Variants in BSN observed in about 807,000 individuals in gnomAD.
The protein encoded by BSN is protein bassoon.
Under a neutral mutation model 264.8 loss-of-function variants are expected in BSN, and 57 were observed. That is an observed-to-expected ratio of 0.22 (90% CI 0.17 to 0.27). BSN has a LOEUF of 0.27. Among genes scored for constraint, BSN ranks in the 10% least tolerant of loss-of-function variants. The probability of loss-of-function intolerance (pLI) is 1.00; values close to 1 mark genes in which losing one functional copy is unlikely to be tolerated. For synonymous variants in BSN, 2,059 were observed against 2,137.3 expected (o/e 0.96, Z 1.01); for missense variants, 4,615 against 5,232.5 (o/e 0.88, Z 3.64).
chr3:49,575,420 A>G (rs138138536), intron 1 of BSN, among the ~76,000 whole-genome samples: 1,600 of 147,136 alleles, frequency 0.011, 25 homozygotes, highest in South Asian at 0.043. Context: ...AAATATATAT[A>G]TGTGTATATA....
chr3:49,652,194 A>G lies in BSN; in HGVS notation c.2638A>G (p.Arg880Gly), dbSNP rs1216271521. Residue 880 changes from arginine to glycine, a missense_variant, in exon 5 of 12, where the codon AGA (arginine) becomes GGA (glycine). Transcript: ENST00000296452. ...ACATGGCACCCAGAAAGGTGGCCCC[A>G]GACCCAGGCCTGAGCCTAGCCAAGA... Reference protein sequence around the residue: ...AKHGTQKGGPRPRPEPSQEPA... With the variant: ...AKHGTQKGGPGPRPEPSQEPA... 6.8e-6 allele frequency: 11 copies of G among 1,613,848 alleles called. No homozygotes were observed. Among genetic ancestry groups the G allele is most frequent in the Non-Finnish European group, 9.3e-6 (11 of 1,179,906 alleles).
At chr3:49,559,089 G>A (rs141253512) in intron 1 of BSN, among the ~76,000 whole-genome samples, 13 of 152,086 alleles carry the variant, frequency 8.5e-5, no homozygotes, top group African/African-American at 3.1e-4. Context: ...ACCAGACCCA[G>A]CTAATTTTTG....
chr3:49,637,117 C>T (rs999541251), intron 2 of BSN, among the ~76,000 whole-genome samples: 3 of 152,222 alleles, frequency 2.0e-5, no homozygotes, highest in Admixed American at 2.0e-4. Flanking sequence ...AGCATAAATG[C>T]GGCATCAGGC....
intron 1 of BSN, among the ~76,000 whole-genome samples, chr3:49,604,654 A>T (rs1399872905): frequency 6.6e-6 from 1 of 152,110 alleles, no homozygotes; most frequent in East Asian, 1.9e-4. Flanking sequence ...GCTAGTGTGA[A>T]TGATGCATAG....
chr3:49,561,669 A>G (rs2051712525), intron 1 of BSN, among the ~76,000 whole-genome samples: 1 of 152,244 alleles, frequency 6.6e-6, no homozygotes, highest in African/African-American at 2.4e-5. Flanking sequence ...GTGAATTAAC[A>G]TAGTCATGAC....
chr3:49,590,343 T>A (rs2051969123), intron 1 of BSN, among the ~76,000 whole-genome samples: 1 of 152,196 alleles, frequency 6.6e-6, no homozygotes, highest in East Asian at 1.9e-4. Flanking sequence ...AATCTGATAA[T>A]CTCTGCCTTT....
intron 1 of BSN, among the ~76,000 whole-genome samples, chr3:49,619,444 G>T (rs1035748577): frequency 2.6e-5 from 4 of 152,162 alleles, no homozygotes; most frequent in African/African-American, 9.7e-5. Flanking sequence ...AGGCAGTGTG[G>T]GATGTGGTTA....
Position 49,652,192 on chromosome 3 carries a change from C to T in BSN, c.2636C>T (p.Pro879Leu). Residue 879 changes from proline (P) to leucine (L), a missense_variant, in exon 5 of 12, where the codon CCC becomes CTC. Around this residue, in one of 3 missense-constraint regions of BSN, gnomAD observed 1,197 missense variants for 1,348.0 expected, o/e 0.89. Transcript: ENST00000296452. ...AAACATGGCACCCAGAAAGGTGGCC[C>T]CAGACCCAGGCCTGAGCCTAGCCAA... ...LAKHGTQKGG[P>L]RPRPEPSQEP... is the part of the protein sequence containing the mutation. 1 of 1,613,826 alleles carries T rather than the reference C, an allele frequency of 6.2e-7. No individual in the cohort carries two copies. Among genetic ancestry groups the T allele is most frequent in the Non-Finnish European group, 8.5e-7 (1 of 1,179,888 alleles).
chr3:49,612,610 G>A (rs2108046916), intron 1 of BSN, among the ~76,000 whole-genome samples: 1 of 152,298 alleles, frequency 6.6e-6, no homozygotes, highest in South Asian at 2.1e-4. Flanking sequence ...TGATGCCAAG[G>A]AGTTACTAGG....
rs2052540599 is a variant in BSN, at chr3:49,651,482, T to C, written c.1987-61T>C. 1 of 1,496,424 alleles carries C rather than the reference T, an allele frequency of 6.7e-7. No individual in the cohort carries two copies. The highest frequency in any genetic ancestry group is 1.4e-5 in the African/African-American group (1 of 71,266). The allele number at this position is 1,496,424 out of a possible 1,614,324, so 92.7% of individuals were successfully genotyped here. ...AGGGTCCTGGGATTGACAGGGAGGA[T>C]TGGGTTCCCACCACGAGCTTTGCCA... On this transcript the variant is annotated intron_variant, in intron 4 of 11. Transcript: ENST00000296452. This position sits in a 1 kb window ranked among gnomAD's most constrained non-coding sequence, Gnocchi z 5.4.
chr3:49,669,630 G>C lies in BSN; in HGVS notation c.*2145G>C, dbSNP rs569722843. On this transcript the variant is annotated 3_prime_UTR_variant, in exon 12 of 12. Transcript: ENST00000296452. ...CAAAGGACTGTGAGCCAGGAGATCT[G>C]GGCTGGAGCTAGGGGGTCAATGGAT... 1 of 152,468 alleles carries C rather than the reference G, an allele frequency of 6.6e-6. No individual in the cohort carries two copies. Among genetic ancestry groups the C allele is most frequent in the Non-Finnish European group, 1.5e-5 (1 of 68,090 alleles). 9.4% of individuals were successfully genotyped at this position (152,468 alleles called of 1,614,324 possible). A position where few individuals can be genotyped will look rare whatever the true frequency, so the allele number is the denominator to read the frequency against.
At chr3:49,649,936 C>T (rs376643649) in intron 3 of BSN, among the ~76,000 whole-genome samples, 58 of 152,342 alleles carry the variant, frequency 3.8e-4, no homozygotes, top group African/African-American at 1.3e-3. Flanking sequence ...GCCCTGGGGG[C>T]AGGAGGAGGC....
intron 1 of BSN, among the ~76,000 whole-genome samples, chr3:49,619,952 G>T (rs1235166899): frequency 6.7e-6 from 1 of 149,568 alleles, no homozygotes. Flanking sequence ...CAGCTGTGAG[G>T]AAAGCACACG....
intron 1 of BSN, among the ~76,000 whole-genome samples, chr3:49,582,078 T>C (rs1243680859): frequency 6.6e-6 from 1 of 152,220 alleles, no homozygotes; most frequent in Non-Finnish European, 1.5e-5. Flanking sequence ...AAAATTTTTC[T>C]GTAGCAGCTG....
chr3:49,586,457 C>T (rs2051939044), intron 1 of BSN, among the ~76,000 whole-genome samples: 1 of 152,044 alleles, frequency 6.6e-6, no homozygotes, highest in African/African-American at 2.4e-5. Flanking sequence ...TCACTGCAGC[C>T]TCAACCTCAG....
At position 49,655,857 on chromosome 3, in the gene BSN, A is replaced by G. The variant is rs1328276974; in HGVS notation, c.6301A>G (p.Met2101Val). 1.9e-6 allele frequency: 3 copies of G among 1,613,258 alleles called. No homozygotes were observed. Among genetic ancestry groups the G allele is most frequent in the Non-Finnish European group, 2.5e-6 (3 of 1,180,010 alleles). The stretch of plus-strand genomic sequence containing the variant: ...CACCACAGCCCGTGAAATCAGTCGC[A>G]TGTGCGCTGCCCTCAACTCCATGGA... ...SATTAREISR[M>V]CAALNSMDQY... Residue 2101 changes from methionine (M) to valine (V), a missense_variant, in exon 5 of 12, where the codon ATG (methionine) becomes GTG (valine). By Grantham distance (21) the Met-to-Val change is conservative (BLOSUM62 1). This residue lies in a region of BSN where 3,415 missense variants were observed against 3,866.4 expected (regional missense o/e 0.88). Coordinates refer to ENST00000296452, the MANE Select transcript of BSN (RefSeq NM_003458.4).
intron 1 of BSN, among the ~76,000 whole-genome samples, chr3:49,593,007 C>A (rs180736353): frequency 1.1e-3 from 172 of 152,284 alleles, no homozygotes; most frequent in African/African-American, 4.0e-3. Context: ...GCACAGGGAT[C>A]CTTTGTGTTG....
At chr3:49,672,775 C>A (rs1169682147), downstream of BSN, among the ~76,000 whole-genome samples, 4 of 147,316 alleles carry the variant, frequency 2.7e-5, no homozygotes, top group Non-Finnish European at 4.5e-5. Context: ...GCCACCGCGC[C>A]TGGCACTTTT....
rs767010867 is a variant in BSN, at chr3:49,658,720, C to T, written c.8640+524C>T. On this transcript the variant is annotated intron_variant, in intron 5 of 11. Coordinates refer to ENST00000296452, the MANE Select transcript of BSN (RefSeq NM_003458.4). Reference sequence around the variant, plus strand: ...ATCCCAGCGGGCTGCAGTGTGCTCTCTGCCCCAGGGTGTTCTCTGCCCCTA... The same window carrying T: ...ATCCCAGCGGGCTGCAGTGTGCTCTTTGCCCCAGGGTGTTCTCTGCCCCTA... Among the ~76,000 whole-genome samples, 6 of 152,366 alleles carry T rather than the reference C, an allele frequency of 3.9e-5. No individual in the cohort carries two copies. In the East Asian group the frequency reaches 1.2e-3, roughly 29 times the overall value.
Sources: allele counts gnomAD v4.1 joint callset (sites outside exome capture counted in the v4.1 genomes callset), GRCh38; gene constraint gnomAD v4.1.1; regional missense constraint gnomAD v4.1.1; non-coding constraint Gnocchi (gnomAD v3.1); transcripts MANE v1.5; gene names NCBI Gene and HGNC (gene_info 2026-07-23, HGNC 2026-07-21).